Variants in WDR19 observed in about 807,000 individuals in gnomAD.
The protein encoded by WDR19 is WD repeat domain 19, also known as WD repeat-containing protein 19.
Under a neutral mutation model 180.0 loss-of-function variants are expected in WDR19, and 121 were observed. The observed-to-expected ratio is 0.67, with a 90% CI of 0.58 to 0.78. WDR19 has a LOEUF of 0.78. WDR19 is among the 30% of genes least tolerant of loss of function. The probability of loss-of-function intolerance (pLI) is 0.00; values close to 1 mark genes in which losing one functional copy is unlikely to be tolerated. For synonymous variants in WDR19, 497 were observed against 540.7 expected (o/e 0.92, Z 1.12); for missense variants, 1,450 against 1,640.7 (o/e 0.88, Z 2.01).
intron 33 of WDR19, among the ~76,000 whole-genome samples, chr4:39,276,242 G>T (rs1735876057): frequency 6.6e-6 from 1 of 152,150 alleles, no homozygotes. Flanking sequence ...AGCTGGATGG[G>T]AGTACATAGA....
intron 31 of WDR19, among the ~76,000 whole-genome samples, chr4:39,272,736 C>G (rs1161885074): frequency 6.6e-6 from 1 of 152,148 alleles, no homozygotes; most frequent in Non-Finnish European, 1.5e-5. Context: ...GGATTTGAAC[C>G]CATACCAAGT....
chr4:39,245,319 T>C, intron 23 of WDR19, 50 bp from the exon 24 acceptor site: 1 of 1,450,694 alleles, frequency 6.9e-7, no homozygotes, highest in South Asian at 1.3e-5. Flanking sequence ...GCAGGCTACT[T>C]TTGGAGTGAA....
intron 24 of WDR19, among the ~76,000 whole-genome samples, chr4:39,250,556 G>A (rs1169781232): frequency 1.3e-5 from 2 of 152,142 alleles, no homozygotes; most frequent in Admixed American, 6.6e-5. Flanking sequence ...AGGAAAAGAG[G>A]AAGTCAAATT....
intron 14 of WDR19, among the ~76,000 whole-genome samples, chr4:39,221,871 G>A (rs934254254): frequency 1.3e-5 from 2 of 152,132 alleles, no homozygotes; most frequent in African/African-American, 2.4e-5. Flanking sequence ...TTGCTGAGTA[G>A]TAGTAGTCTA....
At chr4:39,204,531 G>A (rs1444644340) in intron 7 of WDR19, among the ~76,000 whole-genome samples, 1 of 152,154 alleles carries the variant, frequency 6.6e-6, no homozygotes, top group Non-Finnish European at 1.5e-5. Flanking sequence ...AATTGATAGT[G>A]ACTTACAATT....
chr4:39,220,317 A>T (rs911128584), intron 14 of WDR19, among the ~76,000 whole-genome samples: 39 of 151,842 alleles, frequency 2.6e-4, no homozygotes, highest in African/African-American at 8.7e-4. Flanking sequence ...TGAAATTATG[A>T]TTATCATTAT....
intron 28 of WDR19, among the ~76,000 whole-genome samples, chr4:39,258,337 G>C (rs1467625682): frequency 6.6e-6 from 1 of 152,002 alleles, no homozygotes; most frequent in Non-Finnish European, 1.5e-5. Flanking sequence ...ATTTTTAGTA[G>C]AGACGGGGTT....
chr4:39,191,154 C>T (rs1560475771), intron 4 of WDR19, among the ~76,000 whole-genome samples: 1 of 152,164 alleles, frequency 6.6e-6, no homozygotes, highest in Non-Finnish European at 1.5e-5. Context: ...GGTTGCTTTA[C>T]TGTTGATGTT....
At chr4:39,275,275 G>T in intron 33 of WDR19, 2 of 349,138 alleles carry the variant, frequency 5.7e-6, no homozygotes. Flanking sequence ...GGGAGGCAGA[G>T]GTTGCAGTGA....
rs771449038 is a variant in WDR19 at position 39,182,583 on chromosome 4, C to G, written c.6+20C>G. On this transcript the variant is annotated intron_variant, in intron 1 of 36. Transcript: ENST00000399820. ...ATGAAGGTAAATAACTTACAAATTC[C>G]CGGGGTGGGGCGGGAAAACGCGACT... 1 of 1,613,568 alleles carries G rather than the reference C, an allele frequency of 6.2e-7. No individual in the cohort carries two copies. The highest frequency in any genetic ancestry group is 1.1e-5 in the South Asian group (1 of 91,068).
intron 19 of WDR19, among the ~76,000 whole-genome samples, chr4:39,234,387 A>G (rs1577950816): frequency 6.6e-6 from 1 of 152,232 alleles, no homozygotes; most frequent in South Asian, 2.1e-4. Flanking sequence ...TCAACTTTTT[A>G]GAATCACTAC....
At chr4:39,193,294 T>C (rs1009978547) in intron 4 of WDR19, among the ~76,000 whole-genome samples, 33 of 151,798 alleles carry the variant, frequency 2.2e-4, no homozygotes, top group African/African-American at 8.0e-4. Flanking sequence ...CCTGAGTAGC[T>C]GGGACTACAG....
In WDR19 at chr4:39,231,702, A is replaced by G. The variant is rs1022088126; in HGVS notation, c.1983-95A>G. ...GGTTAAGAAATGTTTTAGACAGTTT[A>G]TCTGGGGCACGCTATTAGATGACAT... On this transcript the variant is annotated intron_variant, in intron 17 of 36. Transcript: ENST00000399820. The G allele has an allele frequency of 4.4e-6, 5 of 1,148,046 alleles. No homozygotes were observed. The African/African-American group carries it at 7.7e-5, about 18-fold the overall frequency. The allele number at this position is 1,148,046 out of a possible 1,614,324, so 71.1% of individuals were successfully genotyped here.
In WDR19 at chr4:39,228,650, G is replaced by C; in HGVS notation, c.1942G>C (p.Glu648Gln). 1 of 1,609,252 alleles carries C rather than the reference G, an allele frequency of 6.2e-7. No homozygotes were observed. Among genetic ancestry groups the C allele is most frequent in the African/African-American group, 1.3e-5 (1 of 74,870 alleles). ...LSNLKDTGPD[E>Q]LRPMLAQNLM... is the part of the protein sequence containing the mutation. ...CAACTTAAAAGATACGGGGCCTGAC[G>C]AACTGAGACCAATGCTGGCACAGAA... The change falls in exon 17 of 37, where the codon GAA (glutamate) becomes CAA (glutamine). Residue 648 changes from glutamate (E) to glutamine (Q), a missense_variant. Transcript: ENST00000399820.
chr4:39,244,506 C>G lies in WDR19; in HGVS notation c.2599C>G (p.Leu867Val), dbSNP rs753011624. 3 of 1,613,864 alleles carry G rather than the reference C, an allele frequency of 1.9e-6. No homozygotes were observed. Among genetic ancestry groups the G allele is most frequent in the African/African-American group, 2.7e-5 (2 of 74,920 alleles). ...AGCGGCCCAACTGTATGAAAAAGGT[C>G]TCTACTACGATAAAGCAGCATCTGT... ...SEAAQLYEKG[L>V]YYDKAASVYI... Residue 867 changes from leucine to valine, a missense_variant, in exon 23 of 37, where the codon CTC (leucine) becomes GTC (valine). Transcript: ENST00000399820.
At chr4:39,252,776 A>C (rs188382243) in intron 24 of WDR19, among the ~76,000 whole-genome samples, 1 of 152,222 alleles carries the variant, frequency 6.6e-6, no homozygotes, top group Admixed American at 6.5e-5. Context: ...GTGACTAAGG[A>C]TATATAAAGG....
At chr4:39,234,932 G>C (rs1731232253) in intron 20 of WDR19, 57 bp downstream of exon 20, 1 of 1,066,478 alleles carries the variant, frequency 9.4e-7, no homozygotes, top group African/African-American at 1.6e-5. Context: ...AATATCTTCA[G>C]TTCGAAACTT....
intron 2 of WDR19, 54 bp downstream of exon 2, chr4:39,185,871 C>A: frequency 7.3e-7 from 1 of 1,370,060 alleles, no homozygotes; most frequent in South Asian, 1.4e-5. Flanking sequence ...GTAATCACAC[C>A]ATCTACTCAG....
intron 36 of WDR19, among the ~76,000 whole-genome samples, chr4:39,279,524 C>G (rs756817681): frequency 6.6e-6 from 1 of 152,216 alleles, no homozygotes; most frequent in Non-Finnish European, 1.5e-5. Context: ...CCAGCCTCCT[C>G]CTCCTGCCTC....
Sources: allele counts gnomAD v4.1 joint callset (sites outside exome capture counted in the v4.1 genomes callset), GRCh38; gene constraint gnomAD v4.1.1; transcripts MANE v1.5; gene names NCBI Gene and HGNC (gene_info 2026-07-23, HGNC 2026-07-21).